The following PRKCH variants were observed in gnomAD, a reference collection of about 807,000 sequenced individuals.
PRKCH encodes protein kinase C eta type.
In PRKCH, 28 loss-of-function variants were observed where a neutral mutation model predicts 82.5. The observed-to-expected ratio is 0.34, with a 90% CI of 0.25 to 0.47. The LOEUF is 0.47. Among genes scored for constraint, PRKCH ranks in the 20% least tolerant of loss-of-function variants. The pLI, the probability that PRKCH is intolerant of heterozygous loss-of-function variation, is 1.00. For synonymous variants in PRKCH, 322 were observed against 327.4 expected (o/e 0.98, Z 0.18); for missense variants, 705 against 881.8 (o/e 0.80, Z 2.54).
At chr14:61,318,451 C>A (rs1448543526), upstream of PRKCH, among the ~76,000 whole-genome samples, 2 of 150,924 alleles carry the variant, frequency 1.3e-5, no homozygotes, top group South Asian at 2.1e-4. Context: ...GCCATCCCCC[C>A]ACCTTGTCCT....
chr14:61,367,192 C>T (rs2046307710), intron 1 of PRKCH, among the ~76,000 whole-genome samples: 1 of 151,988 alleles, frequency 6.6e-6, no homozygotes, highest in Non-Finnish European at 1.5e-5. Context: ...ATGAAGGAAG[C>T]ATGAACTACC....
intron 7 of PRKCH, among the ~76,000 whole-genome samples, chr14:61,455,068 C>A (rs1281213245): frequency 2.0e-5 from 3 of 150,304 alleles, no homozygotes; most frequent in Admixed American, 6.6e-5. Flanking sequence ...CTGGCTCTGT[C>A]GCCCAGGCTG....
At chr14:61,279,395 G>T (rs1228081062) in intron 1 of PRKCH, 1 of 152,202 alleles carries the variant, frequency 6.6e-6, no homozygotes, top group Non-Finnish European at 1.5e-5. Context: ...ATCCGAAAAA[G>T]TGAATTCAGT....
rs386381538 is a variant in PRKCH at position 61,363,994 on chromosome 14, GTA to G, written c.364-27221_364-27220del. The stretch of plus-strand genomic sequence containing the variant: ...TGCATGTGTGTGTATATGTGTGTGT[GTA>G]TATATATATTTGTGTGTATATATAT... On this transcript the variant is annotated intron_variant, in intron 1 of 13. Coordinates refer to ENST00000332981, the MANE Select transcript of PRKCH (RefSeq NM_006255.5). Among the ~76,000 whole-genome samples, 12 of 145,012 alleles carry G rather than the reference GTA, an allele frequency of 8.3e-5. 1 individual carries two copies. The highest frequency in any genetic ancestry group is 4.9e-4 in the Admixed American group (7 of 14,378).
At position 61,266,170 on chromosome 14, in the gene PRKCH, C is replaced by A. The variant is rs553691036; in HGVS notation, c.-19+78502C>A. ...TGGTGGCTCATGCCTGTAATCTCAG[C>A]ACTTTGGGAGGCTGAGGTGGGTGGA... On this transcript the variant is annotated intron_variant, in intron 1 of 3. Transcript: ENST00000555185. Among the ~76,000 whole-genome samples, 17 of 152,280 alleles carry A rather than the reference C, an allele frequency of 1.1e-4. No homozygotes were observed. The East Asian group carries it at 3.3e-3, about 29-fold the overall frequency.
chr14:61,239,727 G>C (rs1391717526), intron 1 of PRKCH, among the ~76,000 whole-genome samples: 1 of 152,152 alleles, frequency 6.6e-6, no homozygotes, highest in Non-Finnish European at 1.5e-5. Flanking sequence ...TAGCTTCTTT[G>C]TTTTGCCCTT....
At chr14:61,511,546 A>G (rs936669513) in intron 10 of PRKCH, among the ~76,000 whole-genome samples, 6 of 152,210 alleles carry the variant, frequency 3.9e-5, no homozygotes, top group African/African-American at 1.4e-4. Context: ...ACCATATAAG[A>G]AAGAAAAGGC....
At chr14:61,426,295 G>C (rs143057946) in intron 2 of PRKCH, among the ~76,000 whole-genome samples, 262 of 152,290 alleles carry the variant, frequency 1.7e-3, no homozygotes, top group African/African-American at 6.0e-3. Context: ...CTGCCAAGCT[G>C]TCACCTTCCC....
At chr14:61,257,227 G>T (rs919165482) in intron 1 of PRKCH, among the ~76,000 whole-genome samples, 1 of 152,110 alleles carries the variant, frequency 6.6e-6, no homozygotes, top group Non-Finnish European at 1.5e-5. Flanking sequence ...CACTATTCAT[G>T]TAAAAAAACA....
chr14:61,515,139 TG>T (rs2042804313), intron 10 of PRKCH, among the ~76,000 whole-genome samples: 1 of 152,190 alleles, frequency 6.6e-6, no homozygotes, highest in Non-Finnish European at 1.5e-5. Flanking sequence ...CAGCATCTGC[TG>T]TTGGGTATGG....
intron 9 of PRKCH, among the ~76,000 whole-genome samples, chr14:61,478,258 A>G (rs1012421809): frequency 6.6e-6 from 1 of 152,172 alleles, no homozygotes; most frequent in East Asian, 1.9e-4. Flanking sequence ...CATTTTGCAG[A>G]AGTGAGTTTT....
At chr14:61,380,820 T>G (rs576310815) in intron 1 of PRKCH, among the ~76,000 whole-genome samples, 1 of 152,322 alleles carries the variant, frequency 6.6e-6, no homozygotes, top group South Asian at 2.1e-4. Context: ...TTTTGACTGT[T>G]TGTGATTTTT....
At chr14:61,455,689 T>C (rs1214600921) in intron 7 of PRKCH, among the ~76,000 whole-genome samples, 1 of 152,252 alleles carries the variant, frequency 6.6e-6, no homozygotes, top group African/African-American at 2.4e-5. Context: ...TCTTTAGGAA[T>C]GGACAGTGCA....
chr14:61,527,289 G>A (rs2042979265), intron 10 of PRKCH, among the ~76,000 whole-genome samples: 1 of 151,894 alleles, frequency 6.6e-6, no homozygotes, highest in Non-Finnish European at 1.5e-5. Flanking sequence ...TAGGCTTCTT[G>A]TGCACCTGGG....
chr14:61,262,862 T>C (rs1191067025), intron 1 of PRKCH, among the ~76,000 whole-genome samples: 1 of 152,110 alleles, frequency 6.6e-6, no homozygotes, highest in African/African-American at 2.4e-5. Context: ...TATGTAGAAA[T>C]ACCCAGCCAT....
intron 1 of PRKCH, among the ~76,000 whole-genome samples, chr14:61,225,305 T>C (rs2044688641): frequency 6.6e-6 from 1 of 152,260 alleles, no homozygotes; most frequent in Admixed American, 6.5e-5. Flanking sequence ...TATTTCTATG[T>C]TATCACGGAC....
intron 2 of PRKCH, among the ~76,000 whole-genome samples, chr14:61,408,016 G>C (rs890598995): frequency 1.3e-5 from 2 of 152,196 alleles, no homozygotes; most frequent in African/African-American, 4.8e-5. Flanking sequence ...TCTGGCCTCA[G>C]TTTGCAATCC....
At chr14:61,393,348 A>G (rs12892373) in intron 2 of PRKCH, among the ~76,000 whole-genome samples, 32,217 of 152,144 alleles carry the variant, frequency 0.21, 3,613 homozygotes, top group South Asian at 0.34. Flanking sequence ...TCTATAGATC[A>G]GTTTGAGGGG....
At chr14:61,312,539 A>C (rs1353486131) in intron 1 of PRKCH, among the ~76,000 whole-genome samples, 3 of 152,248 alleles carry the variant, frequency 2.0e-5, no homozygotes, top group Non-Finnish European at 4.4e-5. Flanking sequence ...GCTATGAAGA[A>C]ATACCCGAGA....
Sources: allele counts gnomAD v4.1 joint callset (sites outside exome capture counted in the v4.1 genomes callset), GRCh38; gene constraint gnomAD v4.1.1; transcripts MANE v1.5; gene names NCBI Gene and HGNC (gene_info 2026-07-23, HGNC 2026-07-21).